Variants in RBFOX1 observed in about 807,000 individuals in gnomAD.
RBFOX1 encodes RNA binding protein fox-1 homolog 1.
In RBFOX1, 8 loss-of-function variants were observed where a neutral mutation model predicts 57.7. The ratio of observed to expected loss-of-function variants is 0.14; its 90% CI spans 0.08 to 0.25. The LOEUF is 0.25. RBFOX1 is among the 10% of genes least tolerant of loss of function. RBFOX1 has a pLI of 1.00. For missense variants in RBFOX1, 611 were observed against 548.5 expected (o/e 1.11, Z -1.14); for synonymous variants, 326 against 222.4 (o/e 1.47, Z -4.15).
At chr16:5,757,599 C>T (rs9932410) in intron 3 of RBFOX1, among the ~76,000 whole-genome samples, 1 of 152,046 alleles carries the variant, frequency 6.6e-6, no homozygotes, top group East Asian at 1.9e-4. Flanking sequence ...TTGGTTATAA[C>T]TCAGCCACAG....
intron 1 of RBFOX1, among the ~76,000 whole-genome samples, chr16:6,075,785 G>T (rs909757124): frequency 2.0e-5 from 3 of 152,114 alleles, no homozygotes; most frequent in African/African-American, 7.2e-5. Context: ...CCATGTCGTG[G>T]ACAAAAATTA....
At chr16:6,833,755 G>C (rs921833315) in intron 3 of RBFOX1, among the ~76,000 whole-genome samples, 2 of 152,166 alleles carry the variant, frequency 1.3e-5, no homozygotes, top group Admixed American at 1.3e-4. Flanking sequence ...AATTAATTTG[G>C]ATGGGAAGGT....
intron 8 of RBFOX1, among the ~76,000 whole-genome samples, chr16:7,596,064 G>A (rs1239531582): frequency 6.7e-6 from 1 of 148,656 alleles, no homozygotes; most frequent in African/African-American, 2.5e-5. Context: ...AAACCAAATT[G>A]GGAAAGCAAA....
intron 3 of RBFOX1, among the ~76,000 whole-genome samples, chr16:6,750,967 A>G (rs539892236): frequency 1.8e-4 from 27 of 152,254 alleles, no homozygotes; most frequent in African/African-American, 6.0e-4. Flanking sequence ...TCTGAGTGAT[A>G]TGAAGGTGCC....
At chr16:5,682,697 G>A (rs2050377428) in intron 3 of RBFOX1, among the ~76,000 whole-genome samples, 1 of 152,280 alleles carries the variant, frequency 6.6e-6, no homozygotes, top group South Asian at 2.1e-4. Flanking sequence ...TTTTATCCAA[G>A]GTTGTCCGAG....
intron 3 of RBFOX1, among the ~76,000 whole-genome samples, chr16:6,923,126 A>C (rs2074845186): frequency 6.6e-6 from 1 of 152,162 alleles, no homozygotes; most frequent in Non-Finnish European, 1.5e-5. Context: ...ATTCCAAAGG[A>C]GATAGGAAAG....
intron 2 of RBFOX1, among the ~76,000 whole-genome samples, chr16:6,325,003 A>G (rs986571177): frequency 7.9e-5 from 12 of 152,324 alleles, no homozygotes; most frequent in African/African-American, 2.9e-4. Flanking sequence ...TCTCTTTGCT[A>G]TAATGAGAAA....
intron 4 of RBFOX1, among the ~76,000 whole-genome samples, chr16:5,904,003 G>A (rs892043128): frequency 6.6e-6 from 1 of 152,176 alleles, no homozygotes; most frequent in South Asian, 2.1e-4. Context: ...GAATGGAGAT[G>A]AATGTAATTG....
chr16:7,173,488 G>C (rs1453692217), intron 4 of RBFOX1, among the ~76,000 whole-genome samples: 3 of 150,340 alleles, frequency 2.0e-5, no homozygotes, highest in East Asian at 3.9e-4. Flanking sequence ...AGTTCCATTT[G>C]ACACTTTTTT....
intron 4 of RBFOX1, among the ~76,000 whole-genome samples, chr16:7,214,073 A>G (rs1418373828): frequency 8.2e-6 from 1 of 122,408 alleles, no homozygotes; most frequent in Non-Finnish European, 1.8e-5. Context: ...TGAGCTTGCT[A>G]TGGAAAAAAA....
At chr16:7,644,862 T>G (rs557307905) in intron 11 of RBFOX1, among the ~76,000 whole-genome samples, 63 of 152,244 alleles carry the variant, frequency 4.1e-4, no homozygotes, top group African/African-American at 1.4e-3. Context: ...AGGTAAAGCC[T>G]TTGGAGGGAG....
At chr16:6,130,213 T>G (rs188698153) in intron 1 of RBFOX1, among the ~76,000 whole-genome samples, 105 of 152,202 alleles carry the variant, frequency 6.9e-4, no homozygotes, top group Admixed American at 1.6e-3. Flanking sequence ...TATTCTTGGG[T>G]TTGTTAAGTA....
At chr16:6,824,850 C>G (rs56204232) in intron 3 of RBFOX1, among the ~76,000 whole-genome samples, 14,748 of 151,792 alleles carry the variant, frequency 0.097, 898 homozygotes, top group East Asian at 0.29. Flanking sequence ...GAAAGAAACA[C>G]TATTAACATT....
chr16:6,725,002 AGCC>A (rs2066857000), intron 3 of RBFOX1, among the ~76,000 whole-genome samples: 1 of 150,224 alleles, frequency 6.7e-6, no homozygotes, highest in Non-Finnish European at 1.5e-5. Context: ...TAATGGGGAC[AGCC>A]AGGAGTCACT....
intron 4 of RBFOX1, among the ~76,000 whole-genome samples, chr16:7,170,455 T>C (rs2080460933): frequency 6.6e-6 from 1 of 152,142 alleles, no homozygotes; most frequent in African/African-American, 2.4e-5. Context: ...TTCTTTTTTT[T>C]TTCCAAGATA....
At chr16:5,980,079 A>G (rs181386931) in intron 4 of RBFOX1, among the ~76,000 whole-genome samples, 1 of 152,190 alleles carries the variant, frequency 6.6e-6, no homozygotes, top group Non-Finnish European at 1.5e-5. Context: ...CCCTCTCTCT[A>G]GGAACTTAGG....
intron 2 of RBFOX1, among the ~76,000 whole-genome samples, chr16:6,317,492 T>C (rs2081255909): frequency 6.6e-6 from 1 of 152,032 alleles, no homozygotes; most frequent in Admixed American, 6.6e-5. Context: ...TAAGAACAGT[T>C]CATTTGCTCT....
chr16:6,661,239 G>A (rs990139731), intron 3 of RBFOX1, among the ~76,000 whole-genome samples: 4 of 152,194 alleles, frequency 2.6e-5, no homozygotes, highest in African/African-American at 9.7e-5. Context: ...AGACTTGAGT[G>A]TTGAAAGCTA....
At chr16:5,439,384 A>T (rs1386951159) in intron 1 of RBFOX1, among the ~76,000 whole-genome samples, 1 of 152,194 alleles carries the variant, frequency 6.6e-6, no homozygotes, top group Non-Finnish European at 1.5e-5. Context: ...TTTTTAAAAG[A>T]TGATTTTGGT....
Sources: allele counts gnomAD v4.1 joint callset (sites outside exome capture counted in the v4.1 genomes callset), GRCh38; gene constraint gnomAD v4.1.1; transcripts MANE v1.5; gene names NCBI Gene and HGNC (gene_info 2026-07-23, HGNC 2026-07-21).